LRP1B: variants seen among roughly 807,000 people sequenced by gnomAD.
LRP1B encodes the protein LDL receptor related protein 1B.
A neutral mutation model predicts 556.6 loss-of-function variants in LRP1B; 217 were observed. The observed-to-expected ratio is 0.39, with a 90% CI of 0.35 to 0.44. The LOEUF is 0.44. Ranked by LOEUF, LRP1B falls within the 20% of genes least tolerant of loss-of-function variation. LRP1B has a pLI of 1.00. For synonymous variants in LRP1B, 2,047 were observed against 1,865.8 expected (o/e 1.10, Z -2.50); for missense variants, 5,053 against 5,620.8 (o/e 0.90, Z 3.23).
At chr2:142,062,346 A>G (rs763913887) in intron 1 of LRP1B, among the ~76,000 whole-genome samples, 4 of 151,864 alleles carry the variant, frequency 2.6e-5, no homozygotes, top group African/African-American at 2.4e-5. Context: ...AGGCAGGAGC[A>G]TGACCAAGGA....
intron 2 of LRP1B, among the ~76,000 whole-genome samples, chr2:141,545,617 G>A (rs1574066507): frequency 6.6e-6 from 1 of 152,098 alleles, no homozygotes; most frequent in Non-Finnish European, 1.5e-5. Flanking sequence ...GGCCAAAGTG[G>A]GAGAATTGCT....
chr2:141,319,314 T>TG lies in LRP1B; in HGVS notation c.344-64674_344-64673insC, dbSNP rs1559002098. Among the ~76,000 whole-genome samples, 548 of 149,034 alleles carry TG rather than the reference T, an allele frequency of 3.7e-3. 11 individuals are homozygous for TG. The highest frequency in any genetic ancestry group is 0.012 in the African/African-American group (490 of 40,304). ...AAAAAGCAGTGTTTTTTTGTTGTTT[T>TG]TTTTTTTTTTCCTACTCTTACTTGA... On this transcript the variant is annotated intron_variant, in intron 3 of 90. Coordinates refer to ENST00000389484, the MANE Select transcript of LRP1B (RefSeq NM_018557.3).
At chr2:141,313,320 T>C (rs1242794661) in intron 3 of LRP1B, among the ~76,000 whole-genome samples, 2 of 151,976 alleles carry the variant, frequency 1.3e-5, no homozygotes, top group Non-Finnish European at 2.9e-5. Flanking sequence ...GCCACATGCA[T>C]ACTCCTTAGA....
At chr2:140,610,596 A>AT (rs938805210) in intron 41 of LRP1B, among the ~76,000 whole-genome samples, 2 of 152,024 alleles carry the variant, frequency 1.3e-5, no homozygotes, top group African/African-American at 2.4e-5. Context: ...AAAATATTTT[A>AT]TTTTTTTGAG....
intron 1 of LRP1B, among the ~76,000 whole-genome samples, chr2:141,937,571 A>G (rs1008618458): frequency 2.6e-5 from 4 of 151,554 alleles, no homozygotes; most frequent in Non-Finnish European, 5.9e-5. Context: ...CAACAGATGT[A>G]TGTGTGTGTA....
At chr2:142,123,806 AC>A in intron 1 of LRP1B, among the ~76,000 whole-genome samples, 1 of 152,014 alleles carries the variant, frequency 6.6e-6, no homozygotes, top group South Asian at 2.1e-4. Context: ...TATCTGAGAA[AC>A]TTTTATATAC....
intron 83 of LRP1B, among the ~76,000 whole-genome samples, chr2:140,312,782 T>C: frequency 6.6e-6 from 1 of 152,072 alleles, no homozygotes; most frequent in South Asian, 2.1e-4. Flanking sequence ...TAGTGTTCAT[T>C]ATTACAAACA....
intron 1 of LRP1B, among the ~76,000 whole-genome samples, chr2:142,042,843 C>A (rs1035030040): frequency 6.6e-6 from 1 of 151,414 alleles, no homozygotes; most frequent in African/African-American, 2.4e-5. Context: ...GTTGTTATGT[C>A]TTTTATTGCT....
chr2:140,284,506 T>C (rs1437756370), intron 84 of LRP1B, among the ~76,000 whole-genome samples: 2 of 151,630 alleles, frequency 1.3e-5, no homozygotes, highest in Non-Finnish European at 3.0e-5. Flanking sequence ...AGGCAACATC[T>C]CACCTCATCA....
intron 66 of LRP1B, among the ~76,000 whole-genome samples, chr2:140,399,516 T>C (rs895933497): frequency 9.2e-5 from 14 of 152,200 alleles, no homozygotes; most frequent in Admixed American, 1.3e-4. Flanking sequence ...CCACAGTTTA[T>C]ACAGCTTAAA....
At chr2:141,682,539 A>G (rs571922980) in intron 2 of LRP1B, among the ~76,000 whole-genome samples, 1 of 152,250 alleles carries the variant, frequency 6.6e-6, no homozygotes, top group Non-Finnish European at 1.5e-5. Context: ...ACCTCTGCTG[A>G]AAAAGTGGAA....
intron 11 of LRP1B, among the ~76,000 whole-genome samples, chr2:141,037,026 C>T (rs1698553127): frequency 6.6e-6 from 1 of 151,908 alleles, no homozygotes; most frequent in Non-Finnish European, 1.5e-5. Flanking sequence ...GAAAAGAGAA[C>T]CTTTTTTTGC....
intron 17 of LRP1B, among the ~76,000 whole-genome samples, chr2:140,986,383 A>T (rs1696927283): frequency 6.6e-6 from 1 of 152,118 alleles, no homozygotes; most frequent in African/African-American, 2.4e-5. Flanking sequence ...TAGAATTACA[A>T]AGTTGAAGGT....
chr2:142,059,763 G>T (rs1456122443), intron 1 of LRP1B, among the ~76,000 whole-genome samples: 1 of 152,026 alleles, frequency 6.6e-6, no homozygotes, highest in Non-Finnish European at 1.5e-5. Flanking sequence ...AGTTGTTAGA[G>T]ATCATTTCTC....
chr2:141,967,405 A>G (rs1701594641), intron 1 of LRP1B, among the ~76,000 whole-genome samples: 1 of 151,880 alleles, frequency 6.6e-6, no homozygotes, highest in Non-Finnish European at 1.5e-5. Flanking sequence ...AAAGTGTTTC[A>G]TTTATTACAG....
Position 140,702,175 on chromosome 2 carries a change from C to A in LRP1B, c.6268G>T (p.Ala2090Ser), listed in dbSNP as rs768923139. The change falls in exon 39 of 91, where the codon GCA becomes TCA. Residue 2090 changes from alanine to serine, a missense_variant. This residue lies in a region of LRP1B where 3,619 missense variants were observed against 3,931.9 expected (regional missense o/e 0.92). Transcript: ENST00000389484. ...SGSNVDMFSVAVFGAYIYWSD... is the reference protein window; with the variant it reads ...SGSNVDMFSVSVFGAYIYWSD... Reference sequence around the variant, plus strand: ...CAGTAGATGTAAGCCCCAAAGACTGCAACTGAAAACATATCCACATTGCTT... The same window carrying A: ...CAGTAGATGTAAGCCCCAAAGACTGAAACTGAAAACATATCCACATTGCTT... 53 of 1,613,454 alleles carry A rather than the reference C, an allele frequency of 3.3e-5. No homozygotes were observed. Among genetic ancestry groups the A allele is most frequent in the Non-Finnish European group, 4.2e-5 (49 of 1,179,722 alleles).
At chr2:140,299,419 G>A (rs1683728899) in intron 83 of LRP1B, among the ~76,000 whole-genome samples, 1 of 151,972 alleles carries the variant, frequency 6.6e-6, no homozygotes, top group Non-Finnish European at 1.5e-5. Context: ...CTAAAACTTA[G>A]CATTTATGAA....
intron 1 of LRP1B, among the ~76,000 whole-genome samples, chr2:141,964,192 G>A (rs2105060825): frequency 6.6e-6 from 1 of 150,470 alleles, no homozygotes; most frequent in African/African-American, 2.4e-5. Context: ...CAGATTCAAT[G>A]CCATCCCCAT....
chr2:140,514,604 C>T (rs774067230), intron 51 of LRP1B, 49 bp downstream of exon 51: 3 of 1,544,400 alleles, frequency 1.9e-6, no homozygotes, highest in Non-Finnish European at 2.6e-6. Context: ...AATGATAGAG[C>T]ATATATAATG....
Sources: gnomAD v4.1 joint callset for allele counts (sites outside exome capture counted in the v4.1 genomes callset) on GRCh38, gnomAD v4.1.1 for gene constraint, gnomAD v4.1.1 regional missense constraint, MANE v1.5 for transcripts, NCBI Gene and HGNC (gene_info 2026-07-23, HGNC 2026-07-21) for gene names.